Variants in TTC39B observed in about 807,000 individuals in gnomAD.
TTC39B encodes the protein tetratricopeptide repeat protein 39B.
Under a neutral mutation model 96.6 loss-of-function variants are expected in TTC39B, and 92 were observed. The ratio of observed to expected loss-of-function variants is 0.95; its 90% CI spans 0.80 to 1.13. The LOEUF (loss-of-function observed/expected upper bound fraction) is 1.13, where lower values mean the gene tolerates loss of function less well. Ranked by LOEUF, TTC39B falls within the 50% of genes most tolerant of loss-of-function variation. TTC39B has a pLI of 0.00. For synonymous variants in TTC39B, 367 were observed against 299.4 expected, an observed-to-expected ratio of 1.23 and a Z score of -2.33; for missense variants, 955 against 809.3, an observed-to-expected ratio of 1.18 and a Z score of -2.18.
chr9:15,223,840 C>CA (rs754309254), intron 3 of TTC39B, among the ~76,000 whole-genome samples: 4,567 of 129,692 alleles, frequency 0.035, 200 homozygotes, highest in African/African-American at 0.11. Flanking sequence ...ACATGACACT[C>CA]AAAAAAAAAA....
intron 6 of TTC39B, 67 bp downstream of exon 6, chr9:15,210,021 A>C: frequency 8.6e-7 from 1 of 1,156,634 alleles, no homozygotes; most frequent in African/African-American, 1.6e-5. Context: ...TTCAGGATGG[A>C]ATTTTATGAG....
intron 17 of TTC39B, 47 bp downstream of exon 17, chr9:15,182,260 C>G: frequency 8.1e-7 from 1 of 1,231,542 alleles, no homozygotes; most frequent in Non-Finnish European, 1.2e-6. Flanking sequence ...GGAGAGCAGT[C>G]ATGGAGCAGA....
intron 6 of TTC39B, among the ~76,000 whole-genome samples, chr9:15,205,124 C>T (rs568164596): frequency 1.1e-3 from 160 of 152,266 alleles, no homozygotes; most frequent in Non-Finnish European, 1.4e-3. Flanking sequence ...AGGCCACTAA[C>T]GCCGCCTCTA....
At chr9:15,214,144 G>A (rs1586887565) in exon 4 of TTC39B, 1 of 1,611,676 alleles carries the variant, frequency 6.2e-7, no homozygotes. Flanking sequence ...ATTACCAGGG[G>A]CGAAGCAATT....
At chr9:15,177,785 A>G (rs766126168) in exon 18 of TTC39B, 2 of 1,612,128 alleles carry the variant, frequency 1.2e-6, no homozygotes. Flanking sequence ...TTCACTAAGC[A>G]CTCATCATCC....
intron 2 of TTC39B, among the ~76,000 whole-genome samples, chr9:15,234,320 C>A (rs1448910140): frequency 6.8e-6 from 1 of 148,098 alleles, no homozygotes; most frequent in South Asian, 2.2e-4. Flanking sequence ...GGGGGTCAGC[C>A]CCCCGCCCAG....
chr9:15,174,955 G>T, intron 19 of TTC39B, 64 bp downstream of exon 19: 1 of 987,018 alleles, frequency 1.0e-6, no homozygotes. Context: ...TACTGCTGTT[G>T]TTAGAGCAGT....
intron 2 of TTC39B, among the ~76,000 whole-genome samples, chr9:15,257,067 G>A (rs939414348): frequency 1.4e-4 from 22 of 152,130 alleles, no homozygotes; most frequent in Non-Finnish European, 2.9e-4. Context: ...CCAGTTACTG[G>A]ACGGATATTA....
intron 18 of TTC39B, among the ~76,000 whole-genome samples, chr9:15,177,178 G>C (rs1470940072): frequency 2.0e-5 from 3 of 152,024 alleles, no homozygotes; most frequent in Non-Finnish European, 4.4e-5. Flanking sequence ...AATTAAATTA[G>C]TATCAGAAGC....
At chr9:15,185,496 C>G in intron 15 of TTC39B, 90 bp from the exon 16 acceptor site, 1 of 1,562,138 alleles carries the variant, frequency 6.4e-7, no homozygotes, top group Non-Finnish European at 8.7e-7. Flanking sequence ...ACTTCACAGA[C>G]CACCAGCAGC....
intron 2 of TTC39B, among the ~76,000 whole-genome samples, chr9:15,251,731 A>ATATATATATATG (rs1563764609): frequency 7.9e-6 from 1 of 126,966 alleles, no homozygotes; most frequent in African/African-American, 3.2e-5. Flanking sequence ...ATATATATAT[A>ATATATATATATG]TATATGTAGT....
At chr9:15,274,995 T>G (rs1823485949) in intron 1 of TTC39B, among the ~76,000 whole-genome samples, 2 of 152,244 alleles carry the variant, frequency 1.3e-5, no homozygotes, top group South Asian at 4.1e-4. Flanking sequence ...GTTCCCTGGT[T>G]GCTCTTGTGC....
chr9:15,284,893 C>T (rs1266214402), intron 1 of TTC39B, among the ~76,000 whole-genome samples: 1 of 152,072 alleles, frequency 6.6e-6, no homozygotes, highest in Non-Finnish European at 1.5e-5. Flanking sequence ...TCGAGACAAG[C>T]AAATCGAACG....
chr9:15,216,392 C>G (rs1442065270), intron 3 of TTC39B, among the ~76,000 whole-genome samples: 1 of 152,176 alleles, frequency 6.6e-6, no homozygotes, highest in Non-Finnish European at 1.5e-5. Context: ...GTTTGAGACA[C>G]CTCCTCTAGG....
intron 1 of TTC39B, among the ~76,000 whole-genome samples, chr9:15,277,227 A>C (rs1461240885): frequency 6.6e-6 from 1 of 152,128 alleles, no homozygotes; most frequent in Non-Finnish European, 1.5e-5. Context: ...TCGGGAGTTC[A>C]AGACCAGCCT....
At chr9:15,224,921 T>A (rs757194153) in intron 3 of TTC39B, among the ~76,000 whole-genome samples, 2 of 152,188 alleles carry the variant, frequency 1.3e-5, no homozygotes, top group African/African-American at 4.8e-5. Context: ...CCCATGAGTA[T>A]AAAGAACACA....
chr9:15,295,379 T>C (rs1335811624), intron 1 of TTC39B, among the ~76,000 whole-genome samples: 1 of 152,122 alleles, frequency 6.6e-6, no homozygotes, highest in Non-Finnish European at 1.5e-5. Flanking sequence ...CTTAGTCAAG[T>C]TTGAGAAGTT....
At chr9:15,197,679 A>G (rs1334842866) in intron 8 of TTC39B, among the ~76,000 whole-genome samples, 1 of 152,222 alleles carries the variant, frequency 6.6e-6, no homozygotes, top group Non-Finnish European at 1.5e-5. Context: ...TCTCAAAACC[A>G]CACTTAGGCA....
intron 6 of TTC39B, among the ~76,000 whole-genome samples, chr9:15,204,358 A>G (rs769884123): frequency 4.8e-4 from 73 of 152,174 alleles, no homozygotes; most frequent in Non-Finnish European, 9.3e-4. Flanking sequence ...CAGAAACCCC[A>G]TCTCTACTAA....
Sources: gnomAD v4.1 joint callset for allele counts (sites outside exome capture counted in the v4.1 genomes callset) on GRCh38, gnomAD v4.1.1 for gene constraint, MANE v1.5 for transcripts, NCBI Gene and HGNC (gene_info 2026-07-23, HGNC 2026-07-21) for gene names.